The following ZNF536 variants were observed in gnomAD, a reference collection of about 807,000 sequenced individuals.
ZNF536 encodes the protein zinc finger protein 536.
ZNF536 carries 13 observed loss-of-function variants against 84.5 expected under a neutral mutation model. The ratio of observed to expected loss-of-function variants is 0.15; its 90% CI spans 0.10 to 0.24. The LOEUF (loss-of-function observed/expected upper bound fraction) is 0.24, where lower values mean the gene tolerates loss of function less well. ZNF536 is among the 10% of genes least tolerant of loss of function. ZNF536 has a pLI of 1.00. For missense variants in ZNF536, 1,536 were observed against 1,747.5 expected (o/e 0.88, Z 2.16); for synonymous variants, 811 against 742.5 (o/e 1.09, Z -1.50).
At chr19:30,336,112 G>A (rs1451517002) in intron 2 of ZNF536, among the ~76,000 whole-genome samples, 1 of 152,210 alleles carries the variant, frequency 6.6e-6, no homozygotes, top group Non-Finnish European at 1.5e-5. Flanking sequence ...GCTGGTCAGT[G>A]CCTACTGAGC....
intron 1 of ZNF536, among the ~76,000 whole-genome samples, chr19:30,431,118 G>A (rs2051439809): frequency 6.6e-6 from 1 of 152,198 alleles, no homozygotes; most frequent in Non-Finnish European, 1.5e-5. Context: ...ATCTATGGCA[G>A]GAACACTCCC....
At chr19:30,334,517 G>A (rs1176456279) in intron 2 of ZNF536, among the ~76,000 whole-genome samples, 3 of 152,118 alleles carry the variant, frequency 2.0e-5, no homozygotes, top group African/African-American at 7.2e-5. Flanking sequence ...TAAGACAAAC[G>A]TTTTCTCCAC....
At chr19:30,298,435 A>G (rs914669568) in intron 2 of ZNF536, among the ~76,000 whole-genome samples, 2 of 152,214 alleles carry the variant, frequency 1.3e-5, no homozygotes, top group African/African-American at 4.8e-5. Context: ...TGCAACCAAG[A>G]ACAGGTCTCT....
Position 30,664,203 on chromosome 19 carries a change from TTTCTCTCTCTCTCTCTCTCTC to T in ZNF536, c.170-46552_170-46532del, listed in dbSNP as rs756838106. ...CTATCTAGAGGAATTCTTGCTGAGT[TTTCTCTCTCTCTCTCTCTCTC>T]TCTCTCTCTCTCTCTCTCTCTCTCT... On this transcript the variant is annotated intron_variant, in intron 1 of 1. Transcript: ENST00000592773. 2.3e-3 allele frequency among the ~76,000 whole-genome samples: 203 copies of T among 88,734 alleles called. 2 individuals carry two copies. The highest frequency in any genetic ancestry group is 5.1e-3 in the Middle Eastern group (1 of 198). 58.2% of individuals were successfully genotyped at this position (88,734 alleles called of 152,430 possible). A position where few individuals can be genotyped will look rare whatever the true frequency, so the allele number is the denominator to read the frequency against.
At chr19:30,387,783 T>C (rs1475229585) in intron 1 of ZNF536, among the ~76,000 whole-genome samples, 4 of 152,196 alleles carry the variant, frequency 2.6e-5, no homozygotes. Flanking sequence ...TGGAAACTAC[T>C]TACCCTACTG....
At chr19:30,426,256 C>G (rs1203436917) in intron 1 of ZNF536, among the ~76,000 whole-genome samples, 1 of 152,196 alleles carries the variant, frequency 6.6e-6, no homozygotes, top group African/African-American at 2.4e-5. Flanking sequence ...GAGTAATTAG[C>G]CACTTCTGGA....
chr19:30,712,994 A>G (rs1429600297), exon 2 of ZNF536: 1 of 152,124 alleles, frequency 6.6e-6, no homozygotes, highest in East Asian at 1.9e-4. Context: ...AAGTGGGGGA[A>G]AAAATGAGAG....
intron 2 of ZNF536, among the ~76,000 whole-genome samples, chr19:30,460,684 A>G (rs1318988154): frequency 6.6e-6 from 1 of 152,138 alleles, no homozygotes; most frequent in Admixed American, 6.5e-5. Flanking sequence ...TGTGTGCAGG[A>G]CTGTGTCCCT....
At chr19:30,411,928 C>G (rs189739031) in intron 1 of ZNF536, among the ~76,000 whole-genome samples, 80 of 152,078 alleles carry the variant, frequency 5.3e-4, no homozygotes, top group Non-Finnish European at 9.1e-4. Context: ...TAGTTCTATT[C>G]AGGTCTTATT....
At chr19:30,565,794 C>T (rs2046328255) in intron 1 of ZNF536, among the ~76,000 whole-genome samples, 1 of 152,108 alleles carries the variant, frequency 6.6e-6, no homozygotes, top group South Asian at 2.1e-4. Context: ...CTCCAGGGGG[C>T]CCCTCTGAGC....
intron 1 of ZNF536, among the ~76,000 whole-genome samples, chr19:30,629,907 A>G (rs989240251): frequency 6.6e-6 from 1 of 152,216 alleles, no homozygotes; most frequent in Non-Finnish European, 1.5e-5. Context: ...AGCCAGAACC[A>G]GGTGATCTGA....
intron 1 of ZNF536, among the ~76,000 whole-genome samples, chr19:30,256,921 AT>A (rs2024945071): frequency 6.6e-6 from 1 of 152,204 alleles, no homozygotes; most frequent in African/African-American, 2.4e-5. Context: ...ATTTTCTGTC[AT>A]TTTGGTAATT....
In ZNF536 at chr19:30,500,430, G is replaced by T. The variant is rs149621561; in HGVS notation, c.2171-34417G>T. On this transcript the variant is annotated intron_variant, in intron 2 of 4. Coordinates refer to ENST00000355537, the MANE Select transcript of ZNF536 (RefSeq NM_014717.3). ...CAGCAGGATGCAGTGGGATGGGTGTGGGTCTCACAACCCCGGGCTCATTCC... is the reference window on the plus strand; with the variant it reads ...CAGCAGGATGCAGTGGGATGGGTGTTGGTCTCACAACCCCGGGCTCATTCC... Among the ~76,000 whole-genome samples, 203 of 152,292 alleles carry T rather than the reference G, an allele frequency of 1.3e-3. 2 individuals carry two copies. Among genetic ancestry groups the T allele is most frequent in the Non-Finnish European group, 2.4e-3 (162 of 68,036 alleles).
At chr19:30,660,493 A>C (rs986218979) in intron 1 of ZNF536, among the ~76,000 whole-genome samples, 1 of 152,206 alleles carries the variant, frequency 6.6e-6, no homozygotes, top group Non-Finnish European at 1.5e-5. Flanking sequence ...AAAATATATA[A>C]ATGAAAGAAA....
intron 1 of ZNF536, among the ~76,000 whole-genome samples, chr19:30,663,182 C>T (rs1037805576): frequency 2.0e-5 from 3 of 152,044 alleles, no homozygotes; most frequent in African/African-American, 7.2e-5. Context: ...TCCATTCCTG[C>T]ACATTTCTTA....
chr19:30,585,918 A>G (rs1050750628), intron 1 of ZNF536, among the ~76,000 whole-genome samples: 10 of 152,150 alleles, frequency 6.6e-5, no homozygotes, highest in Admixed American at 1.3e-4. Flanking sequence ...AGTATTTGTC[A>G]CACTGCAGTG....
intron 1 of ZNF536, among the ~76,000 whole-genome samples, chr19:30,422,959 G>A (rs965829183): frequency 1.3e-4 from 13 of 98,882 alleles, no homozygotes; most frequent in Non-Finnish European, 2.0e-4. Context: ...CTCTCCATCC[G>A]TTCAACCATC....
At chr19:30,375,106 C>T (rs974093623) in intron 1 of ZNF536, among the ~76,000 whole-genome samples, 2 of 151,450 alleles carry the variant, frequency 1.3e-5, no homozygotes, top group African/African-American at 2.4e-5. Context: ...GTCTCCGAGA[C>T]GCCGCCCAGC....
chr19:30,574,807 A>C (rs1022291586), intron 1 of ZNF536, among the ~76,000 whole-genome samples: 1 of 152,244 alleles, frequency 6.6e-6, no homozygotes, highest in Non-Finnish European at 1.5e-5. Flanking sequence ...TTATAAAATA[A>C]AACTAAAAAT....
Sources: allele counts gnomAD v4.1 joint callset (sites outside exome capture counted in the v4.1 genomes callset), GRCh38; gene constraint gnomAD v4.1.1; transcripts MANE v1.5; gene names NCBI Gene and HGNC (gene_info 2026-07-23, HGNC 2026-07-21).